The following PTGER4 variants were observed in gnomAD, a reference collection of about 807,000 sequenced individuals.
The protein encoded by PTGER4 is prostaglandin E2 receptor EP4 subtype.
A neutral mutation model predicts 33.2 loss-of-function variants in PTGER4; 11 were observed. The ratio of observed to expected loss-of-function variants is 0.33; its 90% CI spans 0.21 to 0.55. PTGER4 has a LOEUF of 0.55. Among genes scored for constraint, PTGER4 ranks in the 20% least tolerant of loss-of-function variants. The probability of loss-of-function intolerance (pLI) is 0.92; values close to 1 mark genes in which losing one functional copy is unlikely to be tolerated. For synonymous variants in PTGER4, 275 were observed against 281.5 expected (o/e 0.98, Z 0.23); for missense variants, 481 against 650.2 (o/e 0.74, Z 2.83).
the PTGER4 span, among the ~76,000 whole-genome samples, chr5:40,722,479 G>A: frequency 9.1e-4 from 138 of 151,126 alleles, no homozygotes; most frequent in Non-Finnish European, 1.7e-3. Context: ...CTGCCTGGCG[G>A]CCCATCGTCT....
the PTGER4 span, among the ~76,000 whole-genome samples, chr5:40,737,226 A>AGTGGAGATT: frequency 6.6e-6 from 1 of 151,612 alleles, no homozygotes; most frequent in East Asian, 2.0e-4. Context: ...GAACCTGGAA[A>AGTGGAGATT]GTGGAGATTG....
At chr5:40,700,472 G>A in the PTGER4 span, among the ~76,000 whole-genome samples, 1 of 152,176 alleles carries the variant, frequency 6.6e-6, no homozygotes, top group Non-Finnish European at 1.5e-5. Flanking sequence ...AAGTGCAGTC[G>A]ACCCAAGGAG....
chr5:40,704,791 A>T, the PTGER4 span, among the ~76,000 whole-genome samples: 1 of 152,364 alleles, frequency 6.6e-6, no homozygotes, highest in Admixed American at 6.5e-5. Context: ...CTCTACAATG[A>T]GAATTACAAA....
At chr5:40,730,773 A>T in the PTGER4 span, among the ~76,000 whole-genome samples, 21 of 152,316 alleles carry the variant, frequency 1.4e-4, no homozygotes, top group African/African-American at 4.8e-4. Context: ...TAAAGTACAA[A>T]ATCCACATGA....
At chr5:40,704,931 A>G in the PTGER4 span, among the ~76,000 whole-genome samples, 7 of 152,350 alleles carry the variant, frequency 4.6e-5, no homozygotes, top group African/African-American at 1.7e-4. Flanking sequence ...TGCTATTCCT[A>G]TCAAACTACC....
intron 2 of PTGER4, chr5:40,685,465 A>AG: frequency 1.0e-6 from 1 of 985,352 alleles, no homozygotes; most frequent in African/African-American, 1.7e-5. Context: ...TACATACAAG[A>AG]GAAATGCCAC....
chr5:40,705,498 T>A, the PTGER4 span, among the ~76,000 whole-genome samples: 2 of 152,166 alleles, frequency 1.3e-5, no homozygotes, highest in Non-Finnish European at 2.9e-5. Flanking sequence ...ACTTAAGAGC[T>A]TCTGCACAGC....
At chr5:40,682,778 G>T (rs570775359) in intron 2 of PTGER4, among the ~76,000 whole-genome samples, 1 of 152,190 alleles carries the variant, frequency 6.6e-6, no homozygotes, top group Admixed American at 6.5e-5. Flanking sequence ...ACCTTAGGCC[G>T]TCTGAGGCCA....
chr5:40,717,989 G>A, the PTGER4 span, among the ~76,000 whole-genome samples: 1 of 151,992 alleles, frequency 6.6e-6, no homozygotes, highest in Non-Finnish European at 1.5e-5. Flanking sequence ...TTGAACTCGG[G>A]AGGCGGAGGT....
the PTGER4 span, among the ~76,000 whole-genome samples, chr5:40,727,677 A>AT: frequency 6.6e-6 from 1 of 152,232 alleles, no homozygotes; most frequent in Admixed American, 6.5e-5. Context: ...CTCCACAGTG[A>AT]TACTAATACC....
chr5:40,685,318 C>A, intron 2 of PTGER4: 1 of 814,140 alleles, frequency 1.2e-6, no homozygotes, highest in Non-Finnish European at 1.5e-6. Flanking sequence ...AAAGCTTTCA[C>A]CAGCATTTGA....
downstream of PTGER4, among the ~76,000 whole-genome samples, chr5:40,696,960 GAGAA>G (rs894396416): frequency 2.7e-5 from 2 of 73,788 alleles, no homozygotes; most frequent in Non-Finnish European, 5.6e-5. Context: ...GAGAGAAAGA[GAGAA>G]AGAAAGAGAG....
At position 40,681,416 on chromosome 5, in the gene PTGER4, T is replaced by G; in HGVS notation, c.423T>G (p.Phe141Leu). The G allele has an allele frequency of 6.2e-7, 1 of 1,614,036 alleles. No individual in the cohort carries two copies. Among genetic ancestry groups the G allele is most frequent in the Non-Finnish European group, 8.5e-7 (1 of 1,180,040 alleles). Reference sequence around the variant, plus strand: ...AGCGATTGGCGGGCCTCACGCTCTTTGCAGTCTATGCGTCCAACGTGCTCT... The same window carrying G: ...AGCGATTGGCGGGCCTCACGCTCTTGGCAGTCTATGCGTCCAACGTGCTCT... ...VDKRLAGLTL[F>L]AVYASNVLFC... The change falls in exon 2 of 3, where the codon TTT becomes TTG. Residue 141 changes from phenylalanine (F) to leucine (L), a missense_variant. Coordinates refer to ENST00000302472, the MANE Select transcript of PTGER4 (RefSeq NM_000958.3). The surrounding 1 kb of genome is among the most constrained non-coding windows in gnomAD (Gnocchi z 9.8).
At chr5:40,714,324 T>C in the PTGER4 span, among the ~76,000 whole-genome samples, 12 of 152,206 alleles carry the variant, frequency 7.9e-5, no homozygotes, top group Admixed American at 3.3e-4. Context: ...TAGAAATAGC[T>C]AGCATTTACT....
the PTGER4 span, among the ~76,000 whole-genome samples, chr5:40,726,629 T>C: frequency 6.7e-6 from 1 of 150,360 alleles, no homozygotes; most frequent in African/African-American, 2.4e-5. Context: ...AAAAAAAAAG[T>C]CGAACTGGTA....
the PTGER4 span, among the ~76,000 whole-genome samples, chr5:40,738,130 G>A: frequency 6.6e-6 from 1 of 152,130 alleles, no homozygotes; most frequent in East Asian, 1.9e-4. Context: ...ATGTGAAACA[G>A]GCCAGGCACA....
In PTGER4 at chr5:40,691,676, G is replaced by T; in HGVS notation, c.868-103G>T. On this transcript the variant is annotated intron_variant, in intron 2 of 2. Transcript: ENST00000302472. This position sits in a 1 kb window ranked among gnomAD's most constrained non-coding sequence, Gnocchi z 4.2. ...CCTCTTTTCCTGGAACTTGTTACCA[G>T]AAATGAAGGCAGCTTCCTAATATTG... is the stretch of plus-strand genomic sequence containing the variant. The T allele has an allele frequency of 6.9e-7, 1 of 1,444,264 alleles. No homozygotes were observed. The allele number at this position is 1,444,264 out of a possible 1,614,324, so 89.5% of individuals were successfully genotyped here. A position where few individuals can be genotyped will look rare whatever the true frequency, so the allele number is the denominator to read the frequency against.
chr5:40,697,117 AAAAG>A (rs147109947), downstream of PTGER4, among the ~76,000 whole-genome samples: 5,456 of 84,628 alleles, frequency 0.064, 214 homozygotes, highest in Non-Finnish European at 0.086. Flanking sequence ...AAGGAAAGAA[AAAAG>A]AAAGAAAGGA....
the PTGER4 span, among the ~76,000 whole-genome samples, chr5:40,712,797 C>T: frequency 1.3e-5 from 2 of 152,086 alleles, no homozygotes; most frequent in African/African-American, 2.4e-5. Context: ...CTAAGAAGCA[C>T]TGTGAGAGGA....
Sources: gnomAD v4.1 joint callset for allele counts (sites outside exome capture counted in the v4.1 genomes callset) on GRCh38, gnomAD v4.1.1 for gene constraint, Gnocchi (gnomAD v3.1) non-coding constraint, MANE v1.5 for transcripts, NCBI Gene and HGNC (gene_info 2026-07-23, HGNC 2026-07-21) for gene names.